The following PANX1 variants were observed in gnomAD, a reference collection of about 807,000 sequenced individuals.
PANX1 encodes the protein pannexin 1.
PANX1 carries 30 observed loss-of-function variants against 38.7 expected under a neutral mutation model. The observed-to-expected ratio is 0.78, with a 90% CI of 0.58 to 1.05. PANX1 has a LOEUF of 1.05. Among genes scored for constraint, PANX1 ranks in the 50% least tolerant of loss-of-function variants. The probability of loss-of-function intolerance (pLI) is 0.00; values close to 1 mark genes in which losing one functional copy is unlikely to be tolerated. For missense variants in PANX1, 551 were observed against 517.2 expected, an observed-to-expected ratio of 1.07 and a Z score of -0.63; for synonymous variants, 230 against 212.2, an observed-to-expected ratio of 1.08 and a Z score of -0.73.
chr11:94,141,092 T>C (rs1289557995), intron 1 of PANX1, among the ~76,000 whole-genome samples: 1 of 152,218 alleles, frequency 6.6e-6, no homozygotes, highest in Non-Finnish European at 1.5e-5. Flanking sequence ...ATAGTTTTAA[T>C]GTCGTGAACC....
At chr11:94,166,810 A>G (rs1209629218) in intron 2 of PANX1, among the ~76,000 whole-genome samples, 2 of 152,094 alleles carry the variant, frequency 1.3e-5, no homozygotes, top group South Asian at 4.1e-4. Context: ...TCTCTCCCCA[A>G]GCTGCACTGC....
At chr11:94,138,774 C>T (rs2134478256) in intron 1 of PANX1, among the ~76,000 whole-genome samples, 1 of 152,236 alleles carries the variant, frequency 6.6e-6, no homozygotes, top group Non-Finnish European at 1.5e-5. Context: ...ATTAACCATC[C>T]CCATTTCCCC....
chr11:94,176,974 G>A (rs1591527054), intron 2 of PANX1, among the ~76,000 whole-genome samples: 1 of 151,664 alleles, frequency 6.6e-6, no homozygotes, highest in Admixed American at 6.5e-5. Flanking sequence ...TCTTTTTGTG[G>A]TTACCTGGAG....
intron 2 of PANX1, among the ~76,000 whole-genome samples, chr11:94,155,375 ATGCTGGT>A (rs1204306847): frequency 6.7e-6 from 1 of 150,060 alleles, no homozygotes; most frequent in African/African-American, 2.5e-5. Context: ...AAAGCCAGGC[ATGCTGGT>A]GCATGCCTGT....
rs141316882 is a variant in PANX1 at position 94,141,068 on chromosome 11, G to A, written c.181+11575G>A. 5.3e-5 allele frequency among the ~76,000 whole-genome samples: 8 copies of A among 152,258 alleles called. No individual in the cohort carries two copies. The East Asian group carries it at 1.2e-3, about 22-fold the overall frequency. ...CGAGAGTAGAAAGGTAAGTAACAAC[G>A]TAGTATCGTGAACATAGTTTTAATG... On this transcript the variant is annotated intron_variant, in intron 1 of 4. Transcript: ENST00000227638.
At chr11:94,155,380 G>A (rs1003002975) in intron 2 of PANX1, among the ~76,000 whole-genome samples, 2 of 151,010 alleles carry the variant, frequency 1.3e-5, no homozygotes, top group South Asian at 2.1e-4. Context: ...CAGGCATGCT[G>A]GTGCATGCCT....
intron 1 of PANX1, among the ~76,000 whole-genome samples, chr11:94,151,133 G>A (rs145071818): frequency 9.9e-4 from 151 of 152,284 alleles, no homozygotes; most frequent in African/African-American, 3.4e-3. Flanking sequence ...GGGCTGGTTG[G>A]TGTCTAGTGA....
intron 1 of PANX1, among the ~76,000 whole-genome samples, chr11:94,151,993 T>A (rs998807754): frequency 3.3e-5 from 5 of 152,148 alleles, no homozygotes; most frequent in African/African-American, 1.2e-4. Flanking sequence ...CTCCATCACT[T>A]CTCTCTTGTA....
rs1341548484 is a variant in PANX1, at chr11:94,181,412, A to G, written c.*543A>G. ...TGTAAGGTCCGATGCCTTGGCCCACACTCGAGCTCTCTTTACATTGTTAGT... is the reference window on the plus strand; with the variant it reads ...TGTAAGGTCCGATGCCTTGGCCCACGCTCGAGCTCTCTTTACATTGTTAGT... On this transcript the variant is annotated 3_prime_UTR_variant, in exon 5 of 5. Coordinates refer to ENST00000227638, the MANE Select transcript of PANX1 (RefSeq NM_015368.4). 6.5e-6 allele frequency: 1 copy of G among 152,866 alleles called. No individual in the cohort carries two copies. Among genetic ancestry groups the G allele is most frequent in the African/African-American group, 2.4e-5 (1 of 41,436 alleles). The allele number at this position is 152,866 out of a possible 1,614,324, so 9.5% of individuals were successfully genotyped here.
At chr11:94,164,748 T>G (rs1423775123) in intron 2 of PANX1, among the ~76,000 whole-genome samples, 1 of 152,208 alleles carries the variant, frequency 6.6e-6, no homozygotes, top group Non-Finnish European at 1.5e-5. Context: ...TTTGTCTAGA[T>G]GATCTGCTCA....
chr11:94,179,719 C>A lies in PANX1; in HGVS notation c.663C>A (p.Leu221=). The A allele has an allele frequency of 1.2e-6, 2 of 1,613,834 alleles. No homozygotes were observed. Among genetic ancestry groups the A allele is most frequent in the Non-Finnish European group, 1.7e-6 (2 of 1,179,854 alleles). The change falls in exon 4 of 5, where the codon CTC becomes CTA. Residue 221 remains leucine (L), a synonymous_variant. Transcript: ENST00000227638. ...IKYISCRLLT[L]IIILLACIYL... The stretch of plus-strand genomic sequence containing the variant: ...ACATTAGCTGCCGCCTGCTGACACT[C>A]ATCATTATACTGTTAGCGTGTATCT...
chr11:94,159,294 T>C (rs1231400498), intron 2 of PANX1, among the ~76,000 whole-genome samples: 4 of 152,208 alleles, frequency 2.6e-5, no homozygotes, highest in Non-Finnish European at 5.9e-5. Context: ...ATTCCCTCTT[T>C]TTCTATTGAT....
At chr11:94,156,651 C>A (rs1416623524) in intron 2 of PANX1, among the ~76,000 whole-genome samples, 1 of 151,832 alleles carries the variant, frequency 6.6e-6, no homozygotes, top group Non-Finnish European at 1.5e-5. Context: ...AAAAATAAAT[C>A]CTTTCTGGAG....
intron 2 of PANX1, among the ~76,000 whole-genome samples, chr11:94,155,799 A>G (rs1323322061): frequency 6.6e-6 from 1 of 152,132 alleles, no homozygotes; most frequent in Non-Finnish European, 1.5e-5. Flanking sequence ...GGTGCCCTAT[A>G]GTGACTCTTT....
chr11:94,141,999 G>A (rs573320961), intron 1 of PANX1, among the ~76,000 whole-genome samples: 1 of 152,292 alleles, frequency 6.6e-6, no homozygotes, highest in Middle Eastern at 3.4e-3. Flanking sequence ...GCTGGGGTTG[G>A]GGAATGTGTC....
chr11:94,178,536 T>C lies in PANX1; in HGVS notation c.489T>C (p.Leu163=). The change falls in exon 3 of 5, where the codon CTT becomes CTC. Residue 163 remains leucine, a synonymous_variant. Coordinates refer to ENST00000227638, the MANE Select transcript of PANX1 (RefSeq NM_015368.4). ...AIKAAKSARD[L]DMRDGACSVP... is the part of the protein sequence containing the mutation. ...AGGCTGCAAAGAGTGCGCGTGACCT[T>C]GACATGAGAGATGGAGCCTGCTCAG... 1 of 1,614,044 alleles carries C rather than the reference T, an allele frequency of 6.2e-7. No homozygotes were observed. Among genetic ancestry groups the C allele is most frequent in the Non-Finnish European group, 8.5e-7 (1 of 1,179,974 alleles).
intron 1 of PANX1, among the ~76,000 whole-genome samples, chr11:94,137,734 C>G (rs1591505279): frequency 6.7e-6 from 1 of 149,780 alleles, no homozygotes; most frequent in Non-Finnish European, 1.5e-5. Context: ...AGCTCACACT[C>G]CTTTTTAAAA....
chr11:94,164,186 A>C (rs924577374), intron 2 of PANX1, among the ~76,000 whole-genome samples: 2 of 150,180 alleles, frequency 1.3e-5, no homozygotes, highest in Non-Finnish European at 3.0e-5. Context: ...AATTTTATTG[A>C]TGTTTTGTAT....
chr11:94,137,850 A>G (rs1359559444), intron 1 of PANX1, among the ~76,000 whole-genome samples: 4 of 31,066 alleles, frequency 1.3e-4, no homozygotes, highest in Admixed American at 4.4e-4. Flanking sequence ...TAATACTACC[A>G]GGGATAACTA....
Sources: allele counts gnomAD v4.1 joint callset (sites outside exome capture counted in the v4.1 genomes callset), GRCh38; gene constraint gnomAD v4.1.1; transcripts MANE v1.5; gene names NCBI Gene and HGNC (gene_info 2026-07-23, HGNC 2026-07-21).